GRID2IP: variants seen among roughly 807,000 people sequenced by gnomAD.
The protein encoded by GRID2IP is delphilin.
Under a neutral mutation model 114.3 loss-of-function variants are expected in GRID2IP, and 78 were observed. The observed-to-expected ratio is 0.68, with a 90% CI of 0.57 to 0.82. The LOEUF is 0.82. Among genes scored for constraint, GRID2IP ranks in the 40% least tolerant of loss-of-function variants. The pLI is 0.00. For synonymous variants in GRID2IP, 809 were observed against 724.0 expected (o/e 1.12, Z -1.89); for missense variants, 1,727 against 1,678.5 (o/e 1.03, Z -0.51).
Position 6,509,402 on chromosome 7 carries a change from G to T in GRID2IP, c.1772-89C>A. ...GGAGAGAGGGTCCTAGGACAGACTG[G>T]CTCTGTGTCCCAGGCCACTCTCCTT... On this transcript the variant is annotated intron_variant, in intron 11 of 21. Transcript: ENST00000457091. This position sits in a 1 kb window ranked among gnomAD's most constrained non-coding sequence, Gnocchi z 4.9. 3 of 1,190,434 alleles carry T rather than the reference G, an allele frequency of 2.5e-6. No individual in the cohort carries two copies. Among genetic ancestry groups the T allele is most frequent in the Admixed American group, 3.3e-5 (1 of 30,182 alleles). 73.7% of individuals were successfully genotyped at this position (1,190,434 alleles called of 1,614,324 possible). A position where few individuals can be genotyped will look rare whatever the true frequency, so the allele number is the denominator to read the frequency against.
intron 1 of GRID2IP, among the ~76,000 whole-genome samples, chr7:6,547,133 G>A (rs1779900005): frequency 6.6e-6 from 1 of 152,144 alleles, no homozygotes. Flanking sequence ...TAGAGATGGA[G>A]GAGTCTGAAA....
Position 6,527,037 on chromosome 7 carries a change from C to T in GRID2IP, c.585-268G>A, listed in dbSNP as rs1779528208. Among the ~76,000 whole-genome samples the T allele has an allele frequency of 2.0e-5, 3 of 152,106 alleles. No individual in the cohort carries two copies. In the South Asian group the frequency reaches 6.2e-4, roughly 32 times the overall value. On this transcript the variant is annotated intron_variant, in intron 2 of 21. Coordinates refer to ENST00000457091, the MANE Select transcript of GRID2IP (RefSeq NM_001145118.2). ...TCGGACCGTCCTCCATGACTCTGGC[C>T]ACTGCAGGGCCCGAGCCCCTCAAAG...
intron 2 of GRID2IP, among the ~76,000 whole-genome samples, chr7:6,537,227 G>A (rs1779741054): frequency 6.6e-6 from 1 of 152,050 alleles, no homozygotes; most frequent in African/African-American, 2.4e-5. Context: ...GGACCCACCA[G>A]TATTTTTTTT....
intron 1 of GRID2IP, among the ~76,000 whole-genome samples, chr7:6,547,112 G>T (rs570860081): frequency 6.5e-4 from 99 of 152,272 alleles, no homozygotes; most frequent in African/African-American, 2.3e-3. Flanking sequence ...AGGGAACCCT[G>T]AAGCTTCACA....
In GRID2IP at chr7:6,551,394, C is replaced by T. The variant is rs1343710238; in HGVS notation, c.43G>A (p.Glu15Lys). 3.9e-6 allele frequency: 6 copies of T among 1,547,666 alleles called. No individual in the cohort carries two copies. The highest frequency in any genetic ancestry group is 5.2e-6 in the Non-Finnish European group (6 of 1,145,690). ...CCACCTAGCCGGAAGCCAAAGTCCT[C>T]TGGCCAGCCCTGGTTCGTGGCCGGC... ...ATPATNQGWP[E>K]DFGFRLGGSG... Residue 15 changes from glutamate (E) to lysine (K), a missense_variant, in exon 1 of 22, where the codon GAG becomes AAG. By Grantham distance (56) the Glu-to-Lys change is moderately conservative. Transcript: ENST00000457091.
chr7:6,526,870 C>A lies in GRID2IP; in HGVS notation c.585-101G>T. The A allele has an allele frequency of 7.9e-7, 1 of 1,266,546 alleles. No individual in the cohort carries two copies. 78.5% of individuals were successfully genotyped at this position (1,266,546 alleles called of 1,614,324 possible). A position where few individuals can be genotyped will look rare whatever the true frequency, so the allele number is the denominator to read the frequency against. ...CCTCGCGGGCGCCGCCCTAGGCTCT[C>A]CCACCTCTTCCTAGGAGTGGCGGAG... On this transcript the variant is annotated intron_variant, in intron 2 of 21. Transcript: ENST00000457091. This position sits in a 1 kb window ranked among gnomAD's most constrained non-coding sequence, Gnocchi z 7.6.
intron 2 of GRID2IP, chr7:6,531,028 G>A: frequency 1.6e-6 from 1 of 644,536 alleles, no homozygotes; most frequent in East Asian, 3.3e-5. Flanking sequence ...CGCAGAGGGC[G>A]CACGGTTCCC....
chr7:6,542,344 A>G (rs559800461), intron 1 of GRID2IP, among the ~76,000 whole-genome samples: 99 of 151,608 alleles, frequency 6.5e-4, no homozygotes, highest in African/African-American at 2.0e-3. Context: ...GAAAATCCCA[A>G]AGTAGGTGGG....
intron 11 of GRID2IP, 93 bp downstream of exon 11, chr7:6,510,190 C>A: frequency 1.2e-6 from 1 of 809,224 alleles, no homozygotes; most frequent in Non-Finnish European, 1.9e-6. Flanking sequence ...CTGGGACAAC[C>A]CTGACCCTGA....
chr7:6,503,407 G>T, intron 16 of GRID2IP, 84 bp downstream of exon 16: 1 of 1,324,060 alleles, frequency 7.6e-7, no homozygotes, highest in East Asian at 2.7e-5. Context: ...CCCCGAAGGC[G>T]CGCGGGACCC....
In GRID2IP at chr7:6,508,165, G is replaced by A; in HGVS notation, c.2364C>T (p.Leu788=). 6.6e-7 allele frequency: 1 copy of A among 1,510,528 alleles called. No individual in the cohort carries two copies. The highest frequency in any genetic ancestry group is 8.9e-7 in the Non-Finnish European group (1 of 1,129,456). 93.6% of individuals were successfully genotyped at this position (1,510,528 alleles called of 1,614,324 possible). ...RGPAQALAKP[L]TQLSHPVPPP... is the part of the protein sequence containing the mutation. ...GAGGGACTGGGTGGCTGAGTTGGGT[G>A]AGGGGCTTGGCCAGCGCCTGAGCAG... The change falls in exon 13 of 22, where the codon CTC becomes CTT. Residue 788 remains leucine (L), a synonymous_variant. Coordinates refer to ENST00000457091, the MANE Select transcript of GRID2IP (RefSeq NM_001145118.2). The surrounding 1 kb of genome is among the most constrained non-coding windows in gnomAD (Gnocchi z 5.6).
chr7:6,535,563 C>A (rs1469501444), intron 2 of GRID2IP, among the ~76,000 whole-genome samples: 6 of 152,168 alleles, frequency 3.9e-5, no homozygotes, highest in Non-Finnish European at 8.8e-5. Context: ...TGTTCAACCT[C>A]TCACTTAAAC....
chr7:6,534,204 G>A lies in GRID2IP; in HGVS notation c.584+5514C>T, dbSNP rs1391341095. Among the ~76,000 whole-genome samples the A allele has an allele frequency of 6.6e-6, 1 of 152,124 alleles. No homozygotes were observed. Among genetic ancestry groups the A allele is most frequent in the African/African-American group, 2.4e-5 (1 of 41,408 alleles). On this transcript the variant is annotated intron_variant, in intron 2 of 21. Transcript: ENST00000457091. This position sits in a 1 kb window ranked among gnomAD's most constrained non-coding sequence, Gnocchi z 4.5. Reference sequence around the variant, plus strand: ...GATTGCACTGCCAGTGAGTGGACCTGTATTCAAGCCGGGTCTGTCCGGATT... The same window carrying A: ...GATTGCACTGCCAGTGAGTGGACCTATATTCAAGCCGGGTCTGTCCGGATT...
chr7:6,507,458 T>C lies in GRID2IP; in HGVS notation c.2544+527A>G, dbSNP rs1786629351. On this transcript the variant is annotated intron_variant, in intron 13 of 21. Coordinates refer to ENST00000457091, the MANE Select transcript of GRID2IP (RefSeq NM_001145118.2). The surrounding 1 kb of genome is among the most constrained non-coding windows in gnomAD (Gnocchi z 5.3). ...CTGTGGATAAGATTGCTCTGCCCGA[T>C]TTTAAGGGCCAGAAAGAAAACAGGG... Among the ~76,000 whole-genome samples, 1 of 151,730 alleles carries C rather than the reference T, an allele frequency of 6.6e-6. No individual in the cohort carries two copies. The highest frequency in any genetic ancestry group is 6.6e-5 in the Admixed American group (1 of 15,242).
At chr7:6,546,679 G>A (rs1320225560) in intron 1 of GRID2IP, among the ~76,000 whole-genome samples, 1 of 151,740 alleles carries the variant, frequency 6.6e-6, no homozygotes. Flanking sequence ...GGTGCCCAGC[G>A]AGCCCTAACC....
intron 1 of GRID2IP, among the ~76,000 whole-genome samples, chr7:6,542,058 T>C (rs939076286): frequency 1.3e-5 from 2 of 152,040 alleles, no homozygotes; most frequent in South Asian, 2.1e-4. Context: ...TCCCAGCACT[T>C]TGGGAGGCCA....
intron 7 of GRID2IP, among the ~76,000 whole-genome samples, chr7:6,517,001 T>C (rs991434567): frequency 2.0e-5 from 3 of 151,796 alleles, no homozygotes; most frequent in African/African-American, 7.3e-5. Flanking sequence ...GTCTTGGTGG[T>C]AGTGGTCCCC....
intron 1 of GRID2IP, among the ~76,000 whole-genome samples, chr7:6,540,606 C>T (rs769488694): frequency 4.6e-5 from 7 of 151,326 alleles, no homozygotes; most frequent in East Asian, 1.9e-4. Context: ...CTGCAACCTC[C>T]GCCTCCCAAG....
chr7:6,498,055 G>A lies in GRID2IP; in HGVS notation c.3564+9C>T, dbSNP rs751282688. The A allele has an allele frequency of 7.0e-5, 108 of 1,541,702 alleles. No homozygotes were observed. The highest frequency in any genetic ancestry group is 8.6e-5 in the Non-Finnish European group (98 of 1,142,362). ...CAAAAGGGCCCCTCAGGGCTCCAGC[G>A]AGGCTCACCTCGAATTTGCTCATGA... On this transcript the variant is annotated intron_variant, in intron 21 of 21. Coordinates refer to ENST00000457091, the MANE Select transcript of GRID2IP (RefSeq NM_001145118.2).
Sources: allele counts gnomAD v4.1 joint callset (sites outside exome capture counted in the v4.1 genomes callset), GRCh38; gene constraint gnomAD v4.1.1; non-coding constraint Gnocchi (gnomAD v3.1); transcripts MANE v1.5; gene names NCBI Gene and HGNC (gene_info 2026-07-23, HGNC 2026-07-21).